CEP112: variants seen among roughly 807,000 people sequenced by gnomAD.
CEP112 encodes the protein centrosomal protein 112, also known as centrosomal protein of 112 kDa.
Under a neutral mutation model 153.0 loss-of-function variants are expected in CEP112, and 127 were observed. The observed-to-expected ratio is 0.83, with a 90% CI of 0.72 to 0.96. CEP112 has a LOEUF of 0.96. CEP112 is among the 40% of genes least tolerant of loss of function. The pLI is 0.00. For synonymous variants in CEP112, 358 were observed against 374.4 expected (o/e 0.96, Z 0.51); for missense variants, 1,089 against 1,101.2 (o/e 0.99, Z 0.16).
chr17:65,915,255 A>G (rs1382445501), intron 19 of CEP112, among the ~76,000 whole-genome samples: 1 of 152,080 alleles, frequency 6.6e-6, no homozygotes, highest in African/African-American at 2.4e-5. Context: ...GAAACTTTTA[A>G]GTCACATTTT....
intron 24 of CEP112, among the ~76,000 whole-genome samples, chr17:65,667,345 A>C (rs2158519): frequency 0.71 from 107,930 of 151,946 alleles, 40,084 homozygotes; most frequent in African/African-American, 0.92. Flanking sequence ...TCCAGGGAAC[A>C]AAATGTAGAA....
intron 20 of CEP112, among the ~76,000 whole-genome samples, chr17:65,874,374 A>C (rs537452678): frequency 1.3e-5 from 2 of 152,270 alleles, no homozygotes; most frequent in East Asian, 3.9e-4. Context: ...GCACTTTCTT[A>C]AATTTTTAAC....
chr17:65,982,459 A>G (rs2063263456), intron 17 of CEP112, among the ~76,000 whole-genome samples: 1 of 152,262 alleles, frequency 6.6e-6, no homozygotes, highest in South Asian at 2.1e-4. Context: ...TTCTATGATT[A>G]TCAGACAACA....
chr17:66,083,006 GC>G (rs1294654545), intron 8 of CEP112, among the ~76,000 whole-genome samples: 1 of 151,908 alleles, frequency 6.6e-6, no homozygotes, highest in Non-Finnish European at 1.5e-5. Context: ...ATTTCTAAAG[GC>G]TAAATATTTT....
intron 17 of CEP112, among the ~76,000 whole-genome samples, chr17:65,976,736 T>TTTC (rs72397477): frequency 0.13 from 478 of 3,558 alleles, 11 homozygotes; most frequent in Non-Finnish European, 0.16. Context: ...TAACTTTTTC[T>TTTC]TTTTTTTTTT....
chr17:65,730,461 CCTT>C (rs1394677186), intron 23 of CEP112, among the ~76,000 whole-genome samples: 1 of 152,108 alleles, frequency 6.6e-6, no homozygotes, highest in Non-Finnish European at 1.5e-5. Context: ...AGCAGGCAAA[CCTT>C]CTTAGGTGGG....
intron 23 of CEP112, among the ~76,000 whole-genome samples, chr17:65,713,754 T>G (rs1237195591): frequency 1.3e-5 from 2 of 151,840 alleles, no homozygotes; most frequent in Non-Finnish European, 2.9e-5. Context: ...GCCTGGCTAA[T>G]TTTTTTTGTA....
intron 17 of CEP112, among the ~76,000 whole-genome samples, chr17:66,002,442 T>C (rs2064099329): frequency 6.6e-6 from 1 of 152,088 alleles, no homozygotes; most frequent in South Asian, 2.1e-4. Context: ...AGGTATTCTA[T>C]GGAAGGAGTA....
intron 12 of CEP112, among the ~76,000 whole-genome samples, chr17:66,036,826 T>C (rs2065760647): frequency 6.6e-6 from 1 of 152,176 alleles, no homozygotes; most frequent in Admixed American, 6.5e-5. Context: ...CGGGTAGACA[T>C]ATCATTTCAA....
chr17:65,739,857 C>T (rs975019949), intron 23 of CEP112, among the ~76,000 whole-genome samples: 2 of 152,274 alleles, frequency 1.3e-5, no homozygotes, highest in South Asian at 2.1e-4. Flanking sequence ...GAGGATCATG[C>T]CTGCTGTTAG....
chr17:65,948,036 C>A (rs1473241343), intron 18 of CEP112, among the ~76,000 whole-genome samples: 2 of 152,166 alleles, frequency 1.3e-5, no homozygotes, highest in Non-Finnish European at 2.9e-5. Context: ...ATGACACAAA[C>A]ATATCCAGAT....
chr17:65,710,371 T>A (rs1012201234), intron 23 of CEP112, among the ~76,000 whole-genome samples: 1 of 152,230 alleles, frequency 6.6e-6, no homozygotes, highest in Non-Finnish European at 1.5e-5. Context: ...TATTTTCATA[T>A]CTTTTTTTCT....
intron 18 of CEP112, among the ~76,000 whole-genome samples, chr17:65,958,457 GA>G (rs2062076801): frequency 6.6e-6 from 1 of 152,150 alleles, no homozygotes; most frequent in Middle Eastern, 3.4e-3. Context: ...GGGGGTTGGG[GA>G]AGGTCCCTGC....
At chr17:65,983,605 C>A (rs1394334677) in intron 17 of CEP112, among the ~76,000 whole-genome samples, 1 of 151,972 alleles carries the variant, frequency 6.6e-6, no homozygotes, top group Non-Finnish European at 1.5e-5. Context: ...CTTCCTCTCC[C>A]TCCTGCTCCG....
At chr17:65,713,743 C>G (rs945779883) in intron 23 of CEP112, among the ~76,000 whole-genome samples, 3 of 152,122 alleles carry the variant, frequency 2.0e-5, no homozygotes, top group African/African-American at 7.2e-5. Context: ...CCAGCCACCA[C>G]GCCTGGCTAA....
chr17:65,708,809 A>T (rs1181034101), intron 23 of CEP112, among the ~76,000 whole-genome samples: 1 of 152,208 alleles, frequency 6.6e-6, no homozygotes, highest in Non-Finnish European at 1.5e-5. Flanking sequence ...TATTTGACCT[A>T]TCATCAAGGT....
chr17:66,039,023 G>A (rs2065863402), intron 12 of CEP112, among the ~76,000 whole-genome samples: 1 of 152,070 alleles, frequency 6.6e-6, no homozygotes, highest in African/African-American at 2.4e-5. Flanking sequence ...GAGGTAAAAT[G>A]GATGATTCTG....
At chr17:65,838,114 A>G (rs2057390469) in intron 21 of CEP112, among the ~76,000 whole-genome samples, 1 of 152,182 alleles carries the variant, frequency 6.6e-6, no homozygotes, top group Non-Finnish European at 1.5e-5. Context: ...AAAAAATACA[A>G]TGATACAATT....
intron 12 of CEP112, among the ~76,000 whole-genome samples, chr17:66,049,056 C>A (rs1175705716): frequency 6.6e-6 from 1 of 152,194 alleles, no homozygotes; most frequent in Non-Finnish European, 1.5e-5. Context: ...GTATTTCTCT[C>A]CCTTAGGATT....
Sources: gnomAD v4.1 joint callset for allele counts (sites outside exome capture counted in the v4.1 genomes callset) on GRCh38, gnomAD v4.1.1 for gene constraint, MANE v1.5 for transcripts, NCBI Gene and HGNC (gene_info 2026-07-23, HGNC 2026-07-21) for gene names.